RABGAP1L: variants seen among roughly 807,000 people sequenced by gnomAD.
The protein encoded by RABGAP1L is RAB GTPase activating protein 1 like.
Under a neutral mutation model 137.7 loss-of-function variants are expected in RABGAP1L, and 63 were observed. The observed-to-expected ratio is 0.46, with a 90% CI of 0.37 to 0.56. The LOEUF is 0.56. RABGAP1L is among the 20% of genes least tolerant of loss of function. The pLI, the probability that RABGAP1L is intolerant of heterozygous loss-of-function variation, is 0.00. For synonymous variants in RABGAP1L, 431 were observed against 433.7 expected (o/e 0.99, Z 0.08); for missense variants, 1,095 against 1,244.0 (o/e 0.88, Z 1.80).
intron 14 of RABGAP1L, among the ~76,000 whole-genome samples, chr1:174,655,978 C>A (rs1448443162): frequency 6.6e-6 from 1 of 152,144 alleles, no homozygotes; most frequent in Non-Finnish European, 1.5e-5. Context: ...TATTAAGAAA[C>A]CAAGATCTGC....
rs372523073 is a variant in RABGAP1L at position 174,186,142 on chromosome 1, C to T, written c.-34+26485C>T. On this transcript the variant is annotated intron_variant, in intron 1 of 25. Transcript: ENST00000681986. Reference sequence around the variant, plus strand: ...CTGGGCAACAAGAGCGAAATTCCATCTCAAAAAAAAAAAAAAAAAATTTCT... The same window carrying T: ...CTGGGCAACAAGAGCGAAATTCCATTTCAAAAAAAAAAAAAAAAAATTTCT... Among the ~76,000 whole-genome samples the T allele has an allele frequency of 3.7e-4, 52 of 140,284 alleles. 1 individual carries two copies. The highest frequency in any genetic ancestry group is 1.3e-3 in the African/African-American group (49 of 37,590). The allele number at this position is 140,284 out of a possible 152,430, so 92.0% of individuals were successfully genotyped here.
chr1:174,816,261 T>C (rs541165359), intron 19 of RABGAP1L, among the ~76,000 whole-genome samples: 14 of 147,386 alleles, frequency 9.5e-5, no homozygotes, highest in Admixed American at 2.8e-4. Context: ...CAAGCAATTC[T>C]CCTGCTTCAG....
chr1:174,225,290 T>A (rs992666467), intron 3 of RABGAP1L, among the ~76,000 whole-genome samples: 21 of 152,254 alleles, frequency 1.4e-4, no homozygotes, highest in African/African-American at 4.8e-4. Context: ...GTTTTGATAT[T>A]TTTATTCATT....
intron 13 of RABGAP1L, among the ~76,000 whole-genome samples, chr1:174,516,674 C>G (rs1662886148): frequency 6.6e-6 from 1 of 152,078 alleles, no homozygotes; most frequent in Non-Finnish European, 1.5e-5. Context: ...GTGATACATA[C>G]TGTATGCATT....
intron 14 of RABGAP1L, among the ~76,000 whole-genome samples, chr1:174,645,680 T>G (rs955336555): frequency 6.6e-6 from 1 of 152,176 alleles, no homozygotes; most frequent in African/African-American, 2.4e-5. Context: ...AATAAACATA[T>G]GTATGCATGT....
chr1:174,650,261 T>C (rs146122202), intron 14 of RABGAP1L, among the ~76,000 whole-genome samples: 11,910 of 152,246 alleles, frequency 0.078, 651 homozygotes, highest in East Asian at 0.32. Context: ...GATTTTTGCA[T>C]CAGTGTTCAC....
At chr1:174,812,096 C>T (rs939500952) in intron 19 of RABGAP1L, 136 bp downstream of exon 19, 1 of 822,730 alleles carries the variant, frequency 1.2e-6, no homozygotes, top group African/African-American at 1.8e-5. Flanking sequence ...TGATTTCTCC[C>T]AGATGTGTTT....
intron 13 of RABGAP1L, among the ~76,000 whole-genome samples, chr1:174,406,027 G>T (rs2149115431): frequency 6.6e-6 from 1 of 152,076 alleles, no homozygotes; most frequent in African/African-American, 2.4e-5. Context: ...AAGAATTAAT[G>T]AAAGAGGTTC....
intron 19 of RABGAP1L, among the ~76,000 whole-genome samples, chr1:174,818,553 A>G (rs529205991): frequency 6.6e-6 from 1 of 152,316 alleles, no homozygotes; most frequent in South Asian, 2.1e-4. Flanking sequence ...GAAGGTTAGT[A>G]TGGGGAGAGG....
chr1:174,546,345 A>G (rs1666008268), intron 13 of RABGAP1L, among the ~76,000 whole-genome samples: 1 of 152,202 alleles, frequency 6.6e-6, no homozygotes. Flanking sequence ...ATAGTAGTGT[A>G]TGTAGGTAGC....
chr1:174,645,554 CT>C (rs1187561301), intron 14 of RABGAP1L, among the ~76,000 whole-genome samples: 2 of 152,012 alleles, frequency 1.3e-5, no homozygotes, highest in African/African-American at 2.4e-5. Flanking sequence ...TGAACTCATT[CT>C]TTTTTATGGC....
chr1:174,353,148 G>A (rs1448712932), intron 11 of RABGAP1L, among the ~76,000 whole-genome samples: 4 of 152,138 alleles, frequency 2.6e-5, no homozygotes. Context: ...TACCAAGAGT[G>A]GATTCCCTTT....
intron 13 of RABGAP1L, among the ~76,000 whole-genome samples, chr1:174,576,505 C>T (rs1668385734): frequency 6.6e-6 from 1 of 152,200 alleles, no homozygotes; most frequent in African/African-American, 2.4e-5. Flanking sequence ...ACGCTGTTGG[C>T]TCATTCTGGC....
intron 18 of RABGAP1L, among the ~76,000 whole-genome samples, chr1:174,791,579 T>C (rs1045794707): frequency 6.6e-6 from 1 of 152,222 alleles, no homozygotes; most frequent in African/African-American, 2.4e-5. Context: ...ATCTGATCAA[T>C]TCAAAATTTA....
rs144235043 is a variant in RABGAP1L, at chr1:174,353,945, G to A, written c.1466-17034G>A. On this transcript the variant is annotated intron_variant, in intron 11 of 25. Transcript: ENST00000681986. Reference sequence around the variant, plus strand: ...TTTTCAGCAGTACAAATAGACTTTAGGAGGGGATTATACAAAAATCTGAAT... The same window carrying A: ...TTTTCAGCAGTACAAATAGACTTTAAGAGGGGATTATACAAAAATCTGAAT... Among the ~76,000 whole-genome samples, 428 of 152,304 alleles carry A rather than the reference G, an allele frequency of 2.8e-3. 2 individuals carry two copies. The highest frequency in any genetic ancestry group is 8.6e-3 in the African/African-American group (356 of 41,564).
chr1:174,372,421 A>G (rs1369619417), intron 12 of RABGAP1L, among the ~76,000 whole-genome samples: 1 of 152,074 alleles, frequency 6.6e-6, no homozygotes, highest in Non-Finnish European at 1.5e-5. Context: ...GGGGGATGTT[A>G]AAAATTTTTT....
chr1:174,556,895 A>G (rs1666917607), intron 13 of RABGAP1L, among the ~76,000 whole-genome samples: 1 of 152,206 alleles, frequency 6.6e-6, no homozygotes, highest in Admixed American at 6.5e-5. Flanking sequence ...TTCTTCAACC[A>G]TCCCAAAATT....
intron 11 of RABGAP1L, among the ~76,000 whole-genome samples, chr1:174,363,525 G>C (rs564595772): frequency 1.3e-5 from 2 of 152,106 alleles, no homozygotes; most frequent in African/African-American, 4.8e-5. Context: ...TTCCTAGGTT[G>C]AATGTCCTTT....
rs551732374 is a variant in RABGAP1L at position 174,557,705 on chromosome 1, T to G, written c.1711-79670T>G. Among the ~76,000 whole-genome samples the G allele has an allele frequency of 3.4e-4, 52 of 152,352 alleles. No homozygotes were observed. The South Asian group carries it at 6.2e-3, about 18-fold the overall frequency. On this transcript the variant is annotated intron_variant, in intron 13 of 25. Transcript: ENST00000681986. The stretch of plus-strand genomic sequence containing the variant: ...AACTAGAGATGTTGCCCAAGAATTC[T>G]AAGCCTCTGGAGACTAAACTGCCTG...
Sources: allele counts gnomAD v4.1 joint callset (sites outside exome capture counted in the v4.1 genomes callset), GRCh38; gene constraint gnomAD v4.1.1; transcripts MANE v1.5; gene names NCBI Gene and HGNC (gene_info 2026-07-23, HGNC 2026-07-21).